The following ASB18 variants were observed in gnomAD, a reference collection of about 807,000 sequenced individuals.
ASB18 encodes the protein ankyrin repeat and SOCS box containing 18.
Under a neutral mutation model 33.4 loss-of-function variants are expected in ASB18, and 33 were observed. The observed-to-expected ratio is 0.99, with a 90% CI of 0.75 to 1.32. The LOEUF is 1.32. ASB18 is among the 40% of genes most tolerant of loss of function. The pLI, the probability that ASB18 is intolerant of heterozygous loss-of-function variation, is 0.00. For synonymous variants in ASB18, 295 were observed against 307.6 expected (o/e 0.96, Z 0.43); for missense variants, 694 against 655.5 (o/e 1.06, Z -0.64).
chr2:236,227,365 T>C (rs1401426090), intron 3 of ASB18, among the ~76,000 whole-genome samples: 2 of 152,140 alleles, frequency 1.3e-5, no homozygotes. Flanking sequence ...AGAAATACAG[T>C]GATTAGACAT....
intron 3 of ASB18, among the ~76,000 whole-genome samples, chr2:236,218,574 G>A (rs1325422381): frequency 3.9e-5 from 6 of 152,144 alleles, no homozygotes; most frequent in East Asian, 3.9e-4. Context: ...CAAGGCCGGC[G>A]GATTGCGAGG....
At position 236,221,797 on chromosome 2, in the gene ASB18, A is replaced by C. The variant is rs1432526121; in HGVS notation, c.597-6931T>G. Among the ~76,000 whole-genome samples the C allele has an allele frequency of 1.3e-5, 2 of 152,158 alleles. No homozygotes were observed. The highest frequency in any genetic ancestry group is 2.9e-5 in the Non-Finnish European group (2 of 68,026). On this transcript the variant is annotated intron_variant, in intron 3 of 5. Transcript: ENST00000409749. The surrounding 1 kb of genome is among the most constrained non-coding windows in gnomAD (Gnocchi z 5.6). ...CCCTTCTGACAGACAGAAGGGGTTG[A>C]GCACTACACAGTGTGTTCAGTGGGG...
At chr2:236,202,836 A>G (rs1182640385) in intron 4 of ASB18, among the ~76,000 whole-genome samples, 1 of 147,626 alleles carries the variant, frequency 6.8e-6, no homozygotes, top group Non-Finnish European at 1.5e-5. Context: ...TAGTTCTCTA[A>G]AAATCTAAAT....
At chr2:236,240,813 A>G (rs571349618) in intron 2 of ASB18, among the ~76,000 whole-genome samples, 1 of 152,314 alleles carries the variant, frequency 6.6e-6, no homozygotes, top group East Asian at 1.9e-4. Flanking sequence ...GAGGATCTAC[A>G]GAGAGTCCTG....
rs2060396449 is a variant in ASB18, at chr2:236,200,661, A to C, written c.1102-4276T>G. ...CACCCCACTGGCTATACCCAGCTGG[A>C]AGGCAGAGGGCCGAGAGCTGTAGAA... On this transcript the variant is annotated intron_variant, in intron 4 of 5. Coordinates refer to ENST00000409749, the MANE Select transcript of ASB18 (RefSeq NM_212556.4). The surrounding 1 kb of genome is among the most constrained non-coding windows in gnomAD (Gnocchi z 4.2). Among the ~76,000 whole-genome samples the C allele has an allele frequency of 6.6e-6, 1 of 152,184 alleles. No homozygotes were observed. Among genetic ancestry groups the C allele is most frequent in the African/African-American group, 2.4e-5 (1 of 41,448 alleles).
At position 236,193,967 on chromosome 2, in the gene ASB18, G is replaced by A. The variant is rs1298790369; in HGVS notation, c.*905C>T. 1.3e-5 allele frequency among the ~76,000 whole-genome samples: 2 copies of A among 152,152 alleles called. No individual in the cohort carries two copies. Among genetic ancestry groups the A allele is most frequent in the South Asian group, 2.1e-4 (1 of 4,826 alleles). Reference sequence around the variant, plus strand: ...TGGGGGTGTGTGAGCACCCTGCGATGGAATAGCACCCCGTCCAGGCCTGGT... The same window carrying A: ...TGGGGGTGTGTGAGCACCCTGCGATAGAATAGCACCCCGTCCAGGCCTGGT... On this transcript the variant is annotated 3_prime_UTR_variant, in exon 6 of 6. Transcript: ENST00000409749. This position sits in a 1 kb window ranked among gnomAD's most constrained non-coding sequence, Gnocchi z 5.0.
At position 236,219,037 on chromosome 2, in the gene ASB18, T is replaced by C. The variant is rs1372374980; in HGVS notation, c.597-4171A>G. 6.6e-6 allele frequency among the ~76,000 whole-genome samples: 1 copy of C among 150,772 alleles called. No individual in the cohort carries two copies. The highest frequency in any genetic ancestry group is 6.6e-5 in the Admixed American group (1 of 15,130). On this transcript the variant is annotated intron_variant, in intron 3 of 5. Transcript: ENST00000409749. The surrounding 1 kb of genome is among the most constrained non-coding windows in gnomAD (Gnocchi z 6.4). ...GCCGAGTGCCCCCATGCTTGGCTAA[T>C]TTTTTTTTGTTTTATTTTTGTATTG...
Position 236,264,019 on chromosome 2 carries a change from G to T in ASB18, c.205+122C>A. On this transcript the variant is annotated intron_variant, in intron 1 of 5. Transcript: ENST00000409749. The surrounding 1 kb of genome is among the most constrained non-coding windows in gnomAD (Gnocchi z 5.1). ...TATATGCATGTATGTATGAGAGTCAGATATCCGAGTACATATCATTTACTT... is the reference window on the plus strand; with the variant it reads ...TATATGCATGTATGTATGAGAGTCATATATCCGAGTACATATCATTTACTT... 1 of 770,050 alleles carries T rather than the reference G, an allele frequency of 1.3e-6. No individual in the cohort carries two copies. Among genetic ancestry groups the T allele is most frequent in the Admixed American group, 2.1e-5 (1 of 47,104 alleles). 47.7% of individuals were successfully genotyped at this position (770,050 alleles called of 1,614,324 possible). A position where few individuals can be genotyped will look rare whatever the true frequency, so the allele number is the denominator to read the frequency against.
intron 3 of ASB18, among the ~76,000 whole-genome samples, chr2:236,232,921 A>AT (rs939285204): frequency 5.3e-5 from 8 of 152,050 alleles, no homozygotes; most frequent in Non-Finnish European, 1.2e-4. Context: ...TTCTCAAATT[A>AT]TTTTTTCTCA....
At position 236,264,133 on chromosome 2, in the gene ASB18, C is replaced by G; in HGVS notation, c.205+8G>C. 1 of 1,613,398 alleles carries G rather than the reference C, an allele frequency of 6.2e-7. No homozygotes were observed. The highest frequency in any genetic ancestry group is 8.5e-7 in the Non-Finnish European group (1 of 1,179,662). ...AAATCCCAGATGCAGCAGGCTCGTT[C>G]TGGTTACCTAGCAGCATGCCGGTGG... On this transcript the variant is annotated splice_region_variant and intron_variant, in intron 1 of 5. Coordinates refer to ENST00000409749, the MANE Select transcript of ASB18 (RefSeq NM_212556.4). This position sits in a 1 kb window ranked among gnomAD's most constrained non-coding sequence, Gnocchi z 5.1.
chr2:236,237,988 G>T lies in ASB18; in HGVS notation c.329-32C>A. 1 of 1,450,552 alleles carries T rather than the reference G, an allele frequency of 6.9e-7. No individual in the cohort carries two copies. Among genetic ancestry groups the T allele is most frequent in the Non-Finnish European group, 9.0e-7 (1 of 1,110,036 alleles). The allele number at this position is 1,450,552 out of a possible 1,614,324, so 89.9% of individuals were successfully genotyped here. A position where few individuals can be genotyped will look rare whatever the true frequency, so the allele number is the denominator to read the frequency against. On this transcript the variant is annotated intron_variant, in intron 2 of 5. Coordinates refer to ENST00000409749, the MANE Select transcript of ASB18 (RefSeq NM_212556.4). The surrounding 1 kb of genome is among the most constrained non-coding windows in gnomAD (Gnocchi z 6.2). ...GGAGGGAGGTGGGATGTAAGGTCAG[G>T]GGGAGGTTAGTTGTGGTGGTGGTGG...
At chr2:236,240,063 G>A (rs1011438982) in intron 2 of ASB18, among the ~76,000 whole-genome samples, 5 of 152,224 alleles carry the variant, frequency 3.3e-5, no homozygotes, top group East Asian at 1.9e-4. Flanking sequence ...GGGAAGATTC[G>A]GGAGGGAAGG....
intron 4 of ASB18, among the ~76,000 whole-genome samples, chr2:236,197,796 T>C (rs960753549): frequency 1.3e-5 from 2 of 148,668 alleles, no homozygotes; most frequent in Non-Finnish European, 2.9e-5. Flanking sequence ...CACTCAAGCC[T>C]GGGCAACAAG....
rs974864587 is a variant in ASB18 at position 236,245,783 on chromosome 2, T to C, written c.206-4381A>G. Among the ~76,000 whole-genome samples, 9 of 152,368 alleles carry C rather than the reference T, an allele frequency of 5.9e-5. No individual in the cohort carries two copies. The highest frequency in any genetic ancestry group is 2.0e-4 in the Admixed American group (3 of 15,306). On this transcript the variant is annotated intron_variant, in intron 1 of 5. Transcript: ENST00000409749. The surrounding 1 kb of genome is among the most constrained non-coding windows in gnomAD (Gnocchi z 4.7). ...TCTGGGAAGTTCTTCATGCCCCGCATGGTGTTCCACACAGAGAAGGTCTTC... is the reference window on the plus strand; with the variant it reads ...TCTGGGAAGTTCTTCATGCCCCGCACGGTGTTCCACACAGAGAAGGTCTTC...
chr2:236,248,375 C>T lies in ASB18; in HGVS notation c.206-6973G>A, dbSNP rs1488728502. On this transcript the variant is annotated intron_variant, in intron 1 of 5. Transcript: ENST00000409749. The surrounding 1 kb of genome is among the most constrained non-coding windows in gnomAD (Gnocchi z 4.9). ...TAGGAGGCTGAGGCAGGTGGATCAC[C>T]CGAGGTCAGGAGTTTGAGATCAGCC... The T allele has an allele frequency of 2.6e-5, 4 of 151,898 alleles. No homozygotes were observed. Among genetic ancestry groups the T allele is most frequent in the African/African-American group, 9.7e-5 (4 of 41,324 alleles). 9.4% of individuals were successfully genotyped at this position (151,898 alleles called of 1,614,324 possible).
In ASB18 at chr2:236,252,761, G is replaced by A. The variant is rs2060673980; in HGVS notation, c.206-11359C>T. ...ACAGACAGCAGACCTGTGATTCAGG[G>A]CTGAGAGGAGAGGAGGGGCCTAGAT... On this transcript the variant is annotated intron_variant, in intron 1 of 5. Coordinates refer to ENST00000409749, the MANE Select transcript of ASB18 (RefSeq NM_212556.4). The surrounding 1 kb of genome is among the most constrained non-coding windows in gnomAD (Gnocchi z 7.9). Among the ~76,000 whole-genome samples the A allele has an allele frequency of 4.6e-5, 7 of 152,236 alleles. No homozygotes were observed. In the South Asian group the frequency reaches 1.5e-3, roughly 32 times the overall value.
rs546525428 is a variant in ASB18 at position 236,255,696 on chromosome 2, GCTC to G, written c.205+8442_205+8444del. 9.0e-4 allele frequency among the ~76,000 whole-genome samples: 137 copies of G among 152,250 alleles called. No homozygotes were observed. Among genetic ancestry groups the G allele is most frequent in the Non-Finnish European group, 1.5e-3 (105 of 68,012 alleles). The stretch of plus-strand genomic sequence containing the variant: ...GATGACCTCATTCCTTTGCTGAATG[GCTC>G]CTCATGGCTTTTCCAAGTAAGTGTA... On this transcript the variant is annotated intron_variant, in intron 1 of 5. Coordinates refer to ENST00000409749, the MANE Select transcript of ASB18 (RefSeq NM_212556.4). The surrounding 1 kb of genome is among the most constrained non-coding windows in gnomAD (Gnocchi z 4.4).
chr2:236,218,400 A>T (rs376895398), intron 3 of ASB18, among the ~76,000 whole-genome samples: 3 of 152,240 alleles, frequency 2.0e-5, no homozygotes, highest in African/African-American at 7.2e-5. Flanking sequence ...ATTTAATGGC[A>T]TGGAAATACA....
rs760263298 is a variant in ASB18, at chr2:236,217,143, C to T, written c.597-2277G>A. Among the ~76,000 whole-genome samples, 2 of 152,172 alleles carry T rather than the reference C, an allele frequency of 1.3e-5. No homozygotes were observed. Among genetic ancestry groups the T allele is most frequent in the Admixed American group, 1.3e-4 (2 of 15,288 alleles). On this transcript the variant is annotated intron_variant, in intron 3 of 5. Transcript: ENST00000409749. This position sits in a 1 kb window ranked among gnomAD's most constrained non-coding sequence, Gnocchi z 5.2. ...ATTTGTTGGGCCAGGCGCGGTGGCT[C>T]ATGCCGGTAATCCCAGCACTTTGGG...
Sources: allele counts gnomAD v4.1 joint callset (sites outside exome capture counted in the v4.1 genomes callset), GRCh38; gene constraint gnomAD v4.1.1; non-coding constraint Gnocchi (gnomAD v3.1); transcripts MANE v1.5; gene names NCBI Gene and HGNC (gene_info 2026-07-23, HGNC 2026-07-21).